Variants in ECE1 observed in about 807,000 individuals in gnomAD.
The protein encoded by ECE1 is endothelin converting enzyme 1, also known as endothelin-converting enzyme 1.
In ECE1, 35 loss-of-function variants were observed where a neutral mutation model predicts 98.6. The observed-to-expected ratio is 0.35, with a 90% CI of 0.27 to 0.47. ECE1 has a LOEUF of 0.47. Ranked by LOEUF, ECE1 falls within the 20% of genes least tolerant of loss-of-function variation. ECE1 has a pLI of 1.00. For missense variants in ECE1, 814 were observed against 1,025.3 expected, an observed-to-expected ratio of 0.79 and a Z score of 2.81; for synonymous variants, 394 against 407.1, an observed-to-expected ratio of 0.97 and a Z score of 0.39.
intron 4 of ECE1, among the ~76,000 whole-genome samples, chr1:21,261,918 G>T (rs570720789): frequency 6.6e-6 from 1 of 152,212 alleles, no homozygotes; most frequent in Non-Finnish European, 1.5e-5. Context: ...TGCCTGAAAG[G>T]GCAGGCGGAC....
intron 11 of ECE1, 84 bp downstream of exon 11, chr1:21,238,050 G>A (rs1280656337): frequency 7.9e-7 from 1 of 1,272,224 alleles, no homozygotes; most frequent in Non-Finnish European, 1.1e-6. Flanking sequence ...AAGGCCCAGG[G>A]TGGGCTGGAG....
Position 21,325,317 on chromosome 1 carries a change from C to T in ECE1, c.3+20059G>A, listed in dbSNP as rs151254920. Among the ~76,000 whole-genome samples, 4 of 152,344 alleles carry T rather than the reference C, an allele frequency of 2.6e-5. No individual in the cohort carries two copies. The East Asian group carries it at 5.8e-4, about 22-fold the overall frequency. ...TGCCAGGACAAGCCAGCGTCTCGAGCGGTTCCCCTTCAGCGGTGAGAAGTA... is the reference window on the plus strand; with the variant it reads ...TGCCAGGACAAGCCAGCGTCTCGAGTGGTTCCCCTTCAGCGGTGAGAAGTA... On this transcript the variant is annotated intron_variant, in intron 1 of 18. Transcript: ENST00000415912.
At chr1:21,228,562 G>A (rs879382918) in intron 14 of ECE1, among the ~76,000 whole-genome samples, 12 of 151,978 alleles carry the variant, frequency 7.9e-5, no homozygotes, top group Non-Finnish European at 1.5e-4. Context: ...GAGGTGGGTG[G>A]ATTACTTGAG....
At chr1:21,269,195 G>T (rs1473403786) in intron 4 of ECE1, among the ~76,000 whole-genome samples, 1 of 152,198 alleles carries the variant, frequency 6.6e-6, no homozygotes, top group East Asian at 1.9e-4. Flanking sequence ...CAGGCTTTGA[G>T]GTCCCACAGC....
At chr1:21,269,712 A>G (rs1447874337) in intron 4 of ECE1, among the ~76,000 whole-genome samples, 2 of 152,248 alleles carry the variant, frequency 1.3e-5, no homozygotes, top group African/African-American at 4.8e-5. Context: ...CAATACTCAC[A>G]GTAACTGTAT....
At chr1:21,271,330 A>C (rs561368939) in intron 4 of ECE1, among the ~76,000 whole-genome samples, 1 of 152,308 alleles carries the variant, frequency 6.6e-6, no homozygotes, top group African/African-American at 2.4e-5. Context: ...TGTAATCTAA[A>C]AGACCCAGTT....
intron 3 of ECE1, among the ~76,000 whole-genome samples, chr1:21,274,420 T>A (rs1190098711): frequency 6.6e-6 from 1 of 152,210 alleles, no homozygotes; most frequent in East Asian, 1.9e-4. Flanking sequence ...CGTTTGCCAG[T>A]GGGGCTTTGG....
intron 1 of ECE1, among the ~76,000 whole-genome samples, chr1:21,326,836 G>GCA (rs1639089671): frequency 6.6e-6 from 1 of 152,126 alleles, no homozygotes; most frequent in Non-Finnish European, 1.5e-5. Flanking sequence ...ACCCCACTGA[G>GCA]CACAGAGAGG....
At chr1:21,249,759 C>T (rs2098209802) in intron 8 of ECE1, among the ~76,000 whole-genome samples, 1 of 152,038 alleles carries the variant, frequency 6.6e-6, no homozygotes, top group Admixed American at 6.6e-5. Context: ...TATCCAGCCA[C>T]AGATTGCTTT....
At position 21,277,591 on chromosome 1, in the gene ECE1, G is replaced by C. The variant is rs1250335116; in HGVS notation, c.280+1600C>G. 2.0e-5 allele frequency among the ~76,000 whole-genome samples: 3 copies of C among 152,020 alleles called. No homozygotes were observed. In the East Asian group the frequency reaches 5.8e-4, roughly 29 times the overall value. On this transcript the variant is annotated intron_variant, in intron 3 of 18. Transcript: ENST00000374893. ...CACAAACACACACACACACACACCA[G>C]GACACGATCACACAATATACATACA...
Position 21,225,695 on chromosome 1 carries a change from CTT to C in ECE1, c.1850-257_1850-256del, listed in dbSNP as rs11293119. Among the ~76,000 whole-genome samples the C allele has an allele frequency of 2.0e-3, 278 of 137,256 alleles. No homozygotes were observed. The highest frequency in any genetic ancestry group is 3.5e-3 in the Non-Finnish European group (225 of 63,890). The allele number at this position is 137,256 out of a possible 152,430, so 90.0% of individuals were successfully genotyped here. A position where few individuals can be genotyped will look rare whatever the true frequency, so the allele number is the denominator to read the frequency against. ...CAGTGGGGCTTGCTTTGTTTTCTTT[CTT>C]TTTTTTTTTTTTTTGAGACAGTCTC... On this transcript the variant is annotated intron_variant, in intron 16 of 18. Coordinates refer to ENST00000374893, the MANE Select transcript of ECE1 (RefSeq NM_001397.3). The surrounding 1 kb of genome is among the most constrained non-coding windows in gnomAD (Gnocchi z 5.3).
At chr1:21,272,583 T>G in intron 4 of ECE1, 116 bp downstream of exon 4, 1 of 1,281,252 alleles carries the variant, frequency 7.8e-7, no homozygotes, top group Non-Finnish European at 1.1e-6. Context: ...TGAGCCACCG[T>G]GCCCGGCCCA....
At chr1:21,300,084 A>G (rs1245224192) in intron 1 of ECE1, among the ~76,000 whole-genome samples, 1 of 152,250 alleles carries the variant, frequency 6.6e-6, no homozygotes, top group Non-Finnish European at 1.5e-5. Flanking sequence ...GGTGGCTCTA[A>G]GCTGAGATCA....
rs1201046109 is a variant in ECE1, at chr1:21,260,018, A to C, written c.615+253T>G. Among the ~76,000 whole-genome samples the C allele has an allele frequency of 6.6e-6, 1 of 152,244 alleles. No individual in the cohort carries two copies. The highest frequency in any genetic ancestry group is 1.5e-5 in the Non-Finnish European group (1 of 68,044). The stretch of plus-strand genomic sequence containing the variant: ...ACAGAGAGACACACAGACAGATGAC[A>C]GACATCTACAACAGATGCTGACACA... On this transcript the variant is annotated intron_variant, in intron 5 of 18. Transcript: ENST00000374893. This position sits in a 1 kb window ranked among gnomAD's most constrained non-coding sequence, Gnocchi z 4.3.
At position 21,319,700 on chromosome 1, in the gene ECE1, C is replaced by T. The variant is rs1175214503; in HGVS notation, c.3+25676G>A. On this transcript the variant is annotated intron_variant, in intron 1 of 18. Coordinates refer to the ECE1 transcript ENST00000415912. The surrounding 1 kb of genome is among the most constrained non-coding windows in gnomAD (Gnocchi z 4.4). Reference sequence around the variant, plus strand: ...CTGAGACCTGGCTCCTCATTCTCGCCACTCCCTACCAGGCACCGGGAGGCA... The same window carrying T: ...CTGAGACCTGGCTCCTCATTCTCGCTACTCCCTACCAGGCACCGGGAGGCA... Among the ~76,000 whole-genome samples the T allele has an allele frequency of 6.6e-6, 1 of 152,232 alleles. No homozygotes were observed. The highest frequency in any genetic ancestry group is 1.5e-5 in the Non-Finnish European group (1 of 68,042).
intron 2 of ECE1, chr1:21,280,198 TCTC>T (rs1269876458): frequency 1.3e-5 from 2 of 152,180 alleles, no homozygotes; most frequent in Non-Finnish European, 2.9e-5. Context: ...AGCTTGGGGT[TCTC>T]CTCTGTTCCA....
At position 21,258,594 on chromosome 1, in the gene ECE1, C is replaced by A; in HGVS notation, c.762+99G>T. The A allele has an allele frequency of 6.1e-5, 68 of 1,120,370 alleles. No individual in the cohort carries two copies. The highest frequency in any genetic ancestry group is 7.7e-5 in the Non-Finnish European group (59 of 769,372). The allele number at this position is 1,120,370 out of a possible 1,614,324, so 69.4% of individuals were successfully genotyped here. A position where few individuals can be genotyped will look rare whatever the true frequency, so the allele number is the denominator to read the frequency against. Reference sequence around the variant, plus strand: ...CAGAAACTAGAAGACCGCCGTCCCACCCAGGGCAAGCCCCTCTCCCACCCC... The same window carrying A: ...CAGAAACTAGAAGACCGCCGTCCCAACCAGGGCAAGCCCCTCTCCCACCCC... On this transcript the variant is annotated intron_variant, in intron 6 of 18. Coordinates refer to ENST00000374893, the MANE Select transcript of ECE1 (RefSeq NM_001397.3). This position sits in a 1 kb window ranked among gnomAD's most constrained non-coding sequence, Gnocchi z 4.2.
At chr1:21,335,498 G>A (rs1639290722) in intron 1 of ECE1, among the ~76,000 whole-genome samples, 1 of 152,192 alleles carries the variant, frequency 6.6e-6, no homozygotes, top group African/African-American at 2.4e-5. Flanking sequence ...CTGAGAGGTG[G>A]ATTGAGCCGC....
rs534177580 is a variant in ECE1, at chr1:21,255,842, T to C, written c.1020+105A>G. Reference sequence around the variant, plus strand: ...TAACAACCATCCTTCCTTTGTCACATAGTTTCAAGGACTAGATGAAATGAG... The same window carrying C: ...TAACAACCATCCTTCCTTTGTCACACAGTTTCAAGGACTAGATGAAATGAG... On this transcript the variant is annotated intron_variant, in intron 8 of 18. Transcript: ENST00000374893. 6.9e-5 allele frequency: 86 copies of C among 1,248,756 alleles called. 1 individual carries two copies. The highest frequency in any genetic ancestry group is 5.8e-4 in the South Asian group (46 of 79,262). The allele number at this position is 1,248,756 out of a possible 1,614,324, so 77.4% of individuals were successfully genotyped here.
Sources: allele counts gnomAD v4.1 joint callset (sites outside exome capture counted in the v4.1 genomes callset), GRCh38; gene constraint gnomAD v4.1.1; non-coding constraint Gnocchi (gnomAD v3.1); transcripts MANE v1.5; gene names NCBI Gene and HGNC (gene_info 2026-07-23, HGNC 2026-07-21).